Variants in SYTL3 observed in about 807,000 individuals in gnomAD.
SYTL3 encodes the protein synaptotagmin like 3.
In SYTL3, 88 loss-of-function variants were observed where a neutral mutation model predicts 82.1. The observed-to-expected ratio is 1.07, with a 90% CI of 0.90 to 1.28. SYTL3 has a LOEUF of 1.28. Among genes scored for constraint, SYTL3 ranks in the 50% most tolerant of loss-of-function variants. The pLI is 0.00. For synonymous variants in SYTL3, 311 were observed against 289.4 expected (o/e 1.07, Z -0.76); for missense variants, 831 against 757.6 (o/e 1.10, Z -1.14).
chr6:158,699,236 T>G (rs1031866110), intron 6 of SYTL3, among the ~76,000 whole-genome samples: 1 of 152,182 alleles, frequency 6.6e-6, no homozygotes, highest in African/African-American at 2.4e-5. Flanking sequence ...GAGTCTGCCC[T>G]GTGTCCTCTT....
intron 6 of SYTL3, among the ~76,000 whole-genome samples, chr6:158,691,788 A>T (rs1025380851): frequency 1.3e-5 from 2 of 150,932 alleles, no homozygotes; most frequent in Non-Finnish European, 3.0e-5. Flanking sequence ...AGTAGCTGGG[A>T]CTACGGGCAC....
rs557377750 is a variant in SYTL3 at position 158,751,838 on chromosome 6, G to A, written c.1035-90G>A. On this transcript the variant is annotated intron_variant, in intron 12 of 17. Coordinates refer to ENST00000611299, the MANE Select transcript of SYTL3 (RefSeq NM_001242394.2). Reference sequence around the variant, plus strand: ...CAGCAGGAAGCCTGGTAAAGAAAACGCTGGCATGTGGGTTCTCTGCTGCCC... The same window carrying A: ...CAGCAGGAAGCCTGGTAAAGAAAACACTGGCATGTGGGTTCTCTGCTGCCC... 50 of 939,310 alleles carry A rather than the reference G, an allele frequency of 5.3e-5. 1 individual carries two copies. The highest frequency in any genetic ancestry group is 2.6e-4 in the South Asian group (14 of 54,504). The allele number at this position is 939,310 out of a possible 1,614,324, so 58.2% of individuals were successfully genotyped here. A position where few individuals can be genotyped will look rare whatever the true frequency, so the allele number is the denominator to read the frequency against.
At chr6:158,662,711 C>G (rs1486040726) in intron 3 of SYTL3, 39 bp from the exon 4 acceptor site, 1 of 152,212 alleles carries the variant, frequency 6.6e-6, no homozygotes, top group African/African-American at 2.4e-5. Flanking sequence ...ATACTTAAGC[C>G]AAGAAAAATG....
intron 13 of SYTL3, among the ~76,000 whole-genome samples, chr6:158,755,403 A>T (rs1162927638): frequency 6.6e-6 from 1 of 152,208 alleles, no homozygotes; most frequent in Admixed American, 6.5e-5. Context: ...ACCCAAAGGC[A>T]GGAGAAAAGG....
intron 13 of SYTL3, among the ~76,000 whole-genome samples, chr6:158,754,998 C>T (rs1011963557): frequency 6.6e-6 from 1 of 152,266 alleles, no homozygotes; most frequent in African/African-American, 2.4e-5. Flanking sequence ...GGGGAATAAT[C>T]ACATCAATCC....
chr6:158,646,331 A>AT (rs1787457781), upstream of SYTL3, among the ~76,000 whole-genome samples: 1 of 151,890 alleles, frequency 6.6e-6, no homozygotes, highest in East Asian at 1.9e-4. Flanking sequence ...ACACCCACCT[A>AT]TTTTTTTAAT....
intron 11 of SYTL3, 199 bp downstream of exon 11, chr6:158,725,836 T>G: frequency 2.9e-5 from 22 of 752,936 alleles, no homozygotes; most frequent in East Asian, 1.0e-4. Context: ...CTCAGGCCTG[T>G]GTCTTGGAGT....
At position 158,757,221 on chromosome 6, in the gene SYTL3, C is replaced by T. The variant is rs1410245670; in HGVS notation, c.1148C>T (p.Ala383Val). The T allele has an allele frequency of 1.2e-6, 2 of 1,609,320 alleles. No individual in the cohort carries two copies. Among genetic ancestry groups the T allele is most frequent in the Non-Finnish European group, 8.5e-7 (1 of 1,179,722 alleles). The change falls in exon 14 of 18, where the codon GCC becomes GTC. Residue 383 changes from alanine to valine, a missense_variant. Ala to Val is a moderately conservative substitution (Grantham distance 64). Coordinates refer to ENST00000611299, the MANE Select transcript of SYTL3 (RefSeq NM_001242394.2). ...TCCTTGCCTCTGCAGTATCAGGTGGCCCCTGCCCAGCTGGTGACCCGGCAG... is the reference window on the plus strand; with the variant it reads ...TCCTTGCCTCTGCAGTATCAGGTGGTCCCTGCCCAGCTGGTGACCCGGCAG... ...TFQETLKYQV[A>V]PAQLVTRQLQ...
chr6:158,665,772 T>C (rs1002938828), intron 5 of SYTL3, among the ~76,000 whole-genome samples, 159 bp downstream of exon 5: 8 of 152,186 alleles, frequency 5.3e-5, no homozygotes, highest in Non-Finnish European at 1.2e-4. Flanking sequence ...TTGGAAGTTA[T>C]CTTCATCCAA....
intron 9 of SYTL3, among the ~76,000 whole-genome samples, chr6:158,716,791 A>C (rs937339595): frequency 6.6e-6 from 1 of 152,226 alleles, no homozygotes; most frequent in African/African-American, 2.4e-5. Context: ...CAAGAGCCAC[A>C]GTGTCCATTG....
Position 158,707,288 on chromosome 6 carries a change from G to A in SYTL3, c.446+7G>A, listed in dbSNP as rs760512434. The A allele has an allele frequency of 3.1e-6, 5 of 1,613,530 alleles. No homozygotes were observed. The highest frequency in any genetic ancestry group is 1.3e-5 in the African/African-American group (1 of 74,928). ...AATCTTATCAGAAGCTGAGGTGAGT[G>A]TTACAAAGGACAGACCGTCCCTGGC... On this transcript the variant is annotated splice_region_variant and intron_variant, in intron 7 of 17. Coordinates refer to ENST00000611299, the MANE Select transcript of SYTL3 (RefSeq NM_001242394.2).
intron 5 of SYTL3, among the ~76,000 whole-genome samples, chr6:158,676,767 A>G (rs1004250440): frequency 4.6e-5 from 7 of 152,210 alleles, no homozygotes; most frequent in Admixed American, 1.3e-4. Flanking sequence ...ACACTTCTCA[A>G]AAGAAGACAT....
chr6:158,683,932 A>T (rs1779010839), intron 6 of SYTL3, among the ~76,000 whole-genome samples: 1 of 152,216 alleles, frequency 6.6e-6, no homozygotes, highest in African/African-American at 2.4e-5. Flanking sequence ...AAAGAAGGAA[A>T]CTGAGGCAAA....
In SYTL3 at chr6:158,763,437, G is replaced by T; in HGVS notation, c.1651G>T (p.Glu551Ter). Residue 551 changes from glutamate to a stop codon, truncating the protein, a stop_gained, in exon 17 of 18, where the codon GAG becomes TAG. Transcript: ENST00000611299. LOFTEE classifies it high-confidence loss of function. ...TPAQLRQSSL[E>*]LTVWDQALFG... is the part of the protein sequence containing the mutation. Reference sequence around the variant, plus strand: ...AGCTCAGCTGAGGCAGTCAAGCTTGGAGTTAACTGTCTGGGATCAGGCCCT... The same window carrying T: ...AGCTCAGCTGAGGCAGTCAAGCTTGTAGTTAACTGTCTGGGATCAGGCCCT... 1.9e-6 allele frequency: 3 copies of T among 1,614,224 alleles called. No individual in the cohort carries two copies. Among genetic ancestry groups the T allele is most frequent in the Non-Finnish European group, 2.5e-6 (3 of 1,180,034 alleles).
chr6:158,697,852 C>T (rs1780730917), intron 6 of SYTL3, among the ~76,000 whole-genome samples: 1 of 152,144 alleles, frequency 6.6e-6, no homozygotes, highest in Admixed American at 6.5e-5. Flanking sequence ...ACATGGGTAG[C>T]TTCATTAAAG....
intron 7 of SYTL3, among the ~76,000 whole-genome samples, chr6:158,707,853 A>G (rs552430830): frequency 6.6e-6 from 1 of 152,296 alleles, no homozygotes; most frequent in South Asian, 2.1e-4. Flanking sequence ...AAATTTTCCA[A>G]TATCGAGACT....
chr6:158,656,903 A>G (rs909085036), intron 2 of SYTL3, among the ~76,000 whole-genome samples: 1 of 152,220 alleles, frequency 6.6e-6, no homozygotes. Context: ...GCACAAAACC[A>G]AAAGCATTCA....
chr6:158,761,672 T>G (rs1789992694), intron 15 of SYTL3, among the ~76,000 whole-genome samples: 1 of 152,200 alleles, frequency 6.6e-6, no homozygotes, highest in African/African-American at 2.4e-5. Context: ...GAAATTCTGC[T>G]ACCCAAGTTC....
intron 10 of SYTL3, 28 bp from the exon 11 acceptor site, chr6:158,725,475 A>C: frequency 6.2e-7 from 1 of 1,612,070 alleles, no homozygotes; most frequent in South Asian, 1.1e-5. Context: ...GGAGACTATA[A>C]TATTAATTTC....
Sources: allele counts gnomAD v4.1 joint callset (sites outside exome capture counted in the v4.1 genomes callset), GRCh38; gene constraint gnomAD v4.1.1; transcripts MANE v1.5; gene names NCBI Gene and HGNC (gene_info 2026-07-23, HGNC 2026-07-21).